AGBL4: variants seen among roughly 807,000 people sequenced by gnomAD.
AGBL4 encodes cytosolic carboxypeptidase 6.
Under a neutral mutation model 66.4 loss-of-function variants are expected in AGBL4, and 58 were observed. The observed-to-expected ratio is 0.87, with a 90% CI of 0.71 to 1.09. The LOEUF (loss-of-function observed/expected upper bound fraction) is 1.09, where lower values mean the gene tolerates loss of function less well. AGBL4 is among the 50% of genes least tolerant of loss of function. AGBL4 has a pLI of 0.00. For synonymous variants in AGBL4, 234 were observed against 222.9 expected, an observed-to-expected ratio of 1.05 and a Z score of -0.44; for missense variants, 579 against 631.0, an observed-to-expected ratio of 0.92 and a Z score of 0.88.
chr1:49,964,432 T>G (rs1386233976), intron 1 of AGBL4, among the ~76,000 whole-genome samples: 2 of 152,090 alleles, frequency 1.3e-5, no homozygotes, highest in African/African-American at 4.8e-5. Context: ...ATCAAGATAT[T>G]TAGCTAAAAG....
At chr1:48,589,394 A>C (rs1644878395) in intron 10 of AGBL4, among the ~76,000 whole-genome samples, 1 of 152,228 alleles carries the variant, frequency 6.6e-6, no homozygotes, top group African/African-American at 2.4e-5. Context: ...AGCAATGGGC[A>C]GGTGAGTTTT....
At chr1:49,934,725 A>G (rs1367295237) in intron 1 of AGBL4, among the ~76,000 whole-genome samples, 1 of 152,104 alleles carries the variant, frequency 6.6e-6, no homozygotes, top group African/African-American at 2.4e-5. Flanking sequence ...TGAGTAACCT[A>G]ACTGTACACC....
At chr1:49,235,207 T>C (rs765834752) in intron 4 of AGBL4, among the ~76,000 whole-genome samples, 2 of 152,202 alleles carry the variant, frequency 1.3e-5, no homozygotes, top group Non-Finnish European at 2.9e-5. Flanking sequence ...ATGTCAGTGA[T>C]AACAGCACCA....
intron 1 of AGBL4, among the ~76,000 whole-genome samples, chr1:49,916,257 A>G (rs1651476218): frequency 6.6e-6 from 1 of 152,202 alleles, no homozygotes. Flanking sequence ...GAGTTGAGAG[A>G]AGAGGGCTTC....
intron 3 of AGBL4, among the ~76,000 whole-genome samples, chr1:49,561,396 T>G (rs536203301): frequency 6.6e-6 from 1 of 152,026 alleles, no homozygotes; most frequent in African/African-American, 2.4e-5. Flanking sequence ...CATGTTGGTG[T>G]GCTGCACCCA....
At chr1:49,602,937 T>C (rs2124175155) in intron 3 of AGBL4, among the ~76,000 whole-genome samples, 1 of 152,302 alleles carries the variant, frequency 6.6e-6, no homozygotes, top group Admixed American at 6.5e-5. Context: ...CGTCTTGTAC[T>C]GAGTGCTTCA....
chr1:49,110,676 T>A (rs142385430), intron 4 of AGBL4, among the ~76,000 whole-genome samples: 1 of 152,328 alleles, frequency 6.6e-6, no homozygotes, highest in East Asian at 1.9e-4. Flanking sequence ...TTGTCGGTAC[T>A]GCTGTCTCCC....
At chr1:48,804,838 T>C (rs1200525240) in intron 6 of AGBL4, among the ~76,000 whole-genome samples, 1 of 152,160 alleles carries the variant, frequency 6.6e-6, no homozygotes. Flanking sequence ...AATGGCAAAA[T>C]CATAGGAAGC....
intron 1 of AGBL4, among the ~76,000 whole-genome samples, chr1:49,908,960 A>G (rs1293336209): frequency 6.6e-6 from 1 of 152,182 alleles, no homozygotes; most frequent in Non-Finnish European, 1.5e-5. Context: ...ATTGCTATTT[A>G]TACATATACA....
At chr1:48,652,700 T>C (rs1645950607) in intron 8 of AGBL4, among the ~76,000 whole-genome samples, 3 of 152,214 alleles carry the variant, frequency 2.0e-5, no homozygotes, top group South Asian at 4.1e-4. Context: ...CTATCTCAAA[T>C]GAGTCGGTGT....
chr1:49,710,505 T>C (rs1430990494), intron 2 of AGBL4, among the ~76,000 whole-genome samples: 3 of 152,038 alleles, frequency 2.0e-5, no homozygotes, highest in Non-Finnish European at 4.4e-5. Flanking sequence ...GGTTGATGGG[T>C]GCAGCAAACC....
chr1:49,334,031 C>G (rs1296456146), intron 3 of AGBL4, among the ~76,000 whole-genome samples: 1 of 152,138 alleles, frequency 6.6e-6, no homozygotes, highest in East Asian at 1.9e-4. Context: ...TTAATTCTGT[C>G]TAGACACTAT....
At chr1:49,362,780 G>T (rs1009062393) in intron 3 of AGBL4, among the ~76,000 whole-genome samples, 4 of 152,184 alleles carry the variant, frequency 2.6e-5, no homozygotes, top group Non-Finnish European at 5.9e-5. Flanking sequence ...AATGTATCCA[G>T]TAATGATCTT....
At chr1:49,428,193 T>TA (rs1325507808) in intron 3 of AGBL4, among the ~76,000 whole-genome samples, 1 of 152,146 alleles carries the variant, frequency 6.6e-6, no homozygotes, top group Non-Finnish European at 1.5e-5. Flanking sequence ...TTTTTCCACA[T>TA]AAAAAATATC....
At chr1:48,951,790 C>G (rs1047916937) in intron 5 of AGBL4, among the ~76,000 whole-genome samples, 3 of 152,206 alleles carry the variant, frequency 2.0e-5, no homozygotes, top group African/African-American at 7.2e-5. Flanking sequence ...CTGACTACAA[C>G]ATTACCTCAA....
chr1:49,493,437 T>C (rs113673282), intron 3 of AGBL4, among the ~76,000 whole-genome samples: 106 of 152,162 alleles, frequency 7.0e-4, no homozygotes, highest in Non-Finnish European at 1.2e-3. Context: ...ATATTTATAA[T>C]GTATAGCCAG....
intron 5 of AGBL4, among the ~76,000 whole-genome samples, chr1:49,006,264 T>C (rs12138462): frequency 0.57 from 86,768 of 151,572 alleles, 25,204 homozygotes; most frequent in Non-Finnish European, 0.61. Context: ...AAAGGGGTGA[T>C]GAAGGGCACC....
intron 5 of AGBL4, among the ~76,000 whole-genome samples, chr1:49,006,028 AT>A (rs1661763474): frequency 6.6e-6 from 1 of 151,810 alleles, no homozygotes. Flanking sequence ...AGGAGCCAAG[AT>A]GGCCGAATAG....
At chr1:49,651,701 A>T (rs1240335885) in intron 3 of AGBL4, among the ~76,000 whole-genome samples, 1 of 151,312 alleles carries the variant, frequency 6.6e-6, no homozygotes. Flanking sequence ...GGTACAAATT[A>T]AAAAAAAAGA....
Sources: gnomAD v4.1 joint callset for allele counts (sites outside exome capture counted in the v4.1 genomes callset) on GRCh38, gnomAD v4.1.1 for gene constraint, MANE v1.5 for transcripts, NCBI Gene and HGNC (gene_info 2026-07-23, HGNC 2026-07-21) for gene names.